Variants in ACOXL observed in about 807,000 individuals in gnomAD.
ACOXL encodes the protein acyl-coenzyme A oxidase-like protein.
ACOXL carries 70 observed loss-of-function variants against 71.9 expected under a neutral mutation model. The observed-to-expected ratio is 0.97, with a 90% CI of 0.80 to 1.19. ACOXL has a LOEUF of 1.19. Among genes scored for constraint, ACOXL ranks in the 50% most tolerant of loss-of-function variants. ACOXL has a pLI of 0.00. For missense variants in ACOXL, 703 were observed against 736.3 expected, an observed-to-expected ratio of 0.95 and a Z score of 0.52; for synonymous variants, 253 against 281.6, an observed-to-expected ratio of 0.90 and a Z score of 1.02.
intron 15 of ACOXL, among the ~76,000 whole-genome samples, chr2:111,047,163 G>A (rs1263766699): frequency 6.6e-6 from 1 of 152,200 alleles, no homozygotes; most frequent in East Asian, 1.9e-4. Context: ...GGAAAGGGCT[G>A]GCTTGGTATG....
At chr2:110,879,751 A>T (rs1696383885) in intron 10 of ACOXL, among the ~76,000 whole-genome samples, 1 of 152,052 alleles carries the variant, frequency 6.6e-6, no homozygotes, top group Admixed American at 6.5e-5. Context: ...CTGAGGTTCC[A>T]CCGGGTTAAA....
chr2:110,899,707 C>G (rs1266856387), intron 10 of ACOXL, among the ~76,000 whole-genome samples: 1 of 152,172 alleles, frequency 6.6e-6, no homozygotes, highest in Admixed American at 6.5e-5. Flanking sequence ...CCCATTTTAA[C>G]TTTGTTTTGC....
chr2:110,808,590 C>T (rs1476218809), intron 9 of ACOXL, among the ~76,000 whole-genome samples: 1 of 152,198 alleles, frequency 6.6e-6, no homozygotes, highest in Non-Finnish European at 1.5e-5. Flanking sequence ...CACTGGGCCT[C>T]TGTCCCTCTG....
intron 10 of ACOXL, among the ~76,000 whole-genome samples, chr2:110,893,256 A>G (rs1248792935): frequency 1.3e-5 from 2 of 152,198 alleles, no homozygotes; most frequent in Non-Finnish European, 2.9e-5. Context: ...AAGAGCTTCT[A>G]TAAATAAGTA....
chr2:110,976,766 A>G (rs1190716938), intron 12 of ACOXL, among the ~76,000 whole-genome samples: 4 of 152,210 alleles, frequency 2.6e-5, no homozygotes, highest in Non-Finnish European at 5.9e-5. Context: ...AGAAAGAAGC[A>G]GGAAGATTCT....
At chr2:110,883,284 A>AT (rs1348524973) in intron 10 of ACOXL, among the ~76,000 whole-genome samples, 1 of 151,724 alleles carries the variant, frequency 6.6e-6, no homozygotes, top group Non-Finnish European at 1.5e-5. Context: ...TAATTTTTGT[A>AT]TTTTTAGTGG....
intron 9 of ACOXL, among the ~76,000 whole-genome samples, chr2:110,813,901 G>A (rs1687625621): frequency 6.6e-6 from 1 of 152,142 alleles, no homozygotes; most frequent in Non-Finnish European, 1.5e-5. Context: ...TTTTCCACAT[G>A]AGGAACCTGA....
At chr2:110,917,940 T>G (rs752551876) in intron 11 of ACOXL, among the ~76,000 whole-genome samples, 7 of 152,220 alleles carry the variant, frequency 4.6e-5, no homozygotes, top group Non-Finnish European at 1.0e-4. Context: ...TCCATGCTTA[T>G]GTATAGGAAG....
chr2:110,733,184 C>T (rs1011241358), intron 1 of ACOXL: 1 of 152,436 alleles, frequency 6.6e-6, no homozygotes, highest in African/African-American at 2.4e-5. Flanking sequence ...CAGAAAACCG[C>T]GATGGGATGG....
At chr2:111,073,737 T>C (rs1013758777) in intron 16 of ACOXL, among the ~76,000 whole-genome samples, 23 of 152,186 alleles carry the variant, frequency 1.5e-4, no homozygotes, top group Non-Finnish European at 3.1e-4. Flanking sequence ...TTTTAGTGAT[T>C]CTAGTTTCTT....
intron 9 of ACOXL, among the ~76,000 whole-genome samples, chr2:110,834,202 C>T (rs570212606): frequency 6.6e-6 from 1 of 152,262 alleles, no homozygotes; most frequent in Admixed American, 6.5e-5. Flanking sequence ...TGGTATTTAA[C>T]ACGTAATAAG....
At chr2:110,837,399 CCTT>C (rs1559325878) in intron 9 of ACOXL, among the ~76,000 whole-genome samples, 1 of 151,998 alleles carries the variant, frequency 6.6e-6, no homozygotes, top group Non-Finnish European at 1.5e-5. Context: ...CTCTTTGCTG[CCTT>C]CTAAGATAGT....
At chr2:110,990,355 A>G (rs2063122948) in intron 13 of ACOXL, among the ~76,000 whole-genome samples, 1 of 152,240 alleles carries the variant, frequency 6.6e-6, no homozygotes, top group Non-Finnish European at 1.5e-5. Flanking sequence ...TTTATTATAC[A>G]TGCAATTGGC....
At position 110,768,513 on chromosome 2, in the gene ACOXL, T is replaced by TGTGTGTGTGTGAGA. The variant is rs397975396; in HGVS notation, c.75+50_75+51insTGTGTGTGTGAGAG. The TGTGTGTGTGTGAGA allele has an allele frequency of 8.0e-5, 74 of 929,810 alleles. No homozygotes were observed. In the African/African-American group the frequency reaches 1.1e-3, roughly 13 times the overall value. 57.6% of individuals were successfully genotyped at this position (929,810 alleles called of 1,614,324 possible). On this transcript the variant is annotated intron_variant, in intron 2 of 17. Transcript: ENST00000439055. ...ATGGTTGTGTGTGTGTGTGTGTGTGTGAGAGAGAGAGAGAGAGAGAGAGAG... is the reference window on the plus strand; with the variant it reads ...ATGGTTGTGTGTGTGTGTGTGTGTGTGTGTGTGTGTGAGAGAGAGAGAGAGAGAGAGAGAGAGAG...
intron 10 of ACOXL, among the ~76,000 whole-genome samples, chr2:110,857,340 T>G (rs973354539): frequency 1.3e-5 from 2 of 152,180 alleles, no homozygotes; most frequent in Admixed American, 6.5e-5. Flanking sequence ...AGACTTTCCT[T>G]CATCTCTCAT....
chr2:110,991,998 C>T (rs1331895813), intron 13 of ACOXL, among the ~76,000 whole-genome samples: 1 of 152,192 alleles, frequency 6.6e-6, no homozygotes, highest in East Asian at 1.9e-4. Flanking sequence ...GAAACTTGTT[C>T]CCCAACTGGC....
chr2:110,847,910 A>G (rs1211147772), intron 10 of ACOXL, among the ~76,000 whole-genome samples: 1 of 152,242 alleles, frequency 6.6e-6, no homozygotes, highest in African/African-American at 2.4e-5. Flanking sequence ...TTTGTTTAGA[A>G]TGAGCCCAGA....
intron 10 of ACOXL, among the ~76,000 whole-genome samples, chr2:110,894,741 T>G (rs550171851): frequency 6.6e-6 from 1 of 152,270 alleles, no homozygotes; most frequent in South Asian, 2.1e-4. Flanking sequence ...GAGTTAGAAC[T>G]GTCACTGCTC....
At chr2:111,005,011 A>C (rs2149638968) in intron 14 of ACOXL, among the ~76,000 whole-genome samples, 1 of 152,374 alleles carries the variant, frequency 6.6e-6, no homozygotes, top group East Asian at 1.9e-4. Context: ...CTCAGTAATC[A>C]ATCTGTTTAA....
Sources: gnomAD v4.1 joint callset for allele counts (sites outside exome capture counted in the v4.1 genomes callset) on GRCh38, gnomAD v4.1.1 for gene constraint, MANE v1.5 for transcripts, NCBI Gene and HGNC (gene_info 2026-07-23, HGNC 2026-07-21) for gene names.